FERMT2: variants seen among roughly 807,000 people sequenced by gnomAD.
FERMT2 encodes fermitin family homolog 2.
FERMT2 carries 15 observed loss-of-function variants against 82.7 expected under a neutral mutation model. The observed-to-expected ratio is 0.18, with a 90% CI of 0.12 to 0.28. The LOEUF (loss-of-function observed/expected upper bound fraction) is 0.28. Ranked by LOEUF, FERMT2 falls within the 10% of genes least tolerant of loss-of-function variation. FERMT2 has a pLI of 1.00. For synonymous variants in FERMT2, 274 were observed against 271.5 expected, an observed-to-expected ratio of 1.01 and a Z score of -0.09; for missense variants, 645 against 809.4, an observed-to-expected ratio of 0.80 and a Z score of 2.46.
At chr14:52,908,219 T>A (rs1320648011) in intron 3 of FERMT2, among the ~76,000 whole-genome samples, 1 of 152,194 alleles carries the variant, frequency 6.6e-6, no homozygotes, top group Non-Finnish European at 1.5e-5. Context: ...AACTCTCAAG[T>A]ACTGCCCGGC....
intron 3 of FERMT2, among the ~76,000 whole-genome samples, chr14:52,904,018 T>C (rs921551186): frequency 6.6e-6 from 1 of 152,224 alleles, no homozygotes; most frequent in Non-Finnish European, 1.5e-5. Flanking sequence ...GCAACAAATA[T>C]ATGTTGCAAA....
At chr14:52,920,923 G>T (rs1222047399) in intron 2 of FERMT2, among the ~76,000 whole-genome samples, 2 of 151,834 alleles carry the variant, frequency 1.3e-5, no homozygotes, top group Admixed American at 6.6e-5. Context: ...ACTCCAGCCT[G>T]GGTGACAGAG....
At chr14:52,887,158 T>A (rs1480589115) in intron 4 of FERMT2, among the ~76,000 whole-genome samples, 1 of 150,992 alleles carries the variant, frequency 6.6e-6, no homozygotes, top group African/African-American at 2.4e-5. Flanking sequence ...TTTTTTGAGA[T>A]GGAGTCTCGC....
chr14:52,862,249 G>A (rs1884990332), intron 12 of FERMT2: 1 of 152,160 alleles, frequency 6.6e-6, no homozygotes, highest in Admixed American at 6.5e-5. Context: ...ATTTTTAGTA[G>A]AGATGGGGTT....
At chr14:52,947,255 G>C (rs1050587933) in intron 2 of FERMT2, among the ~76,000 whole-genome samples, 9 of 152,158 alleles carry the variant, frequency 5.9e-5, no homozygotes, top group Admixed American at 5.9e-4. Flanking sequence ...CAAGGCAGGC[G>C]GATGACGAGG....
chr14:52,950,101 G>C (rs1890556474), intron 2 of FERMT2, among the ~76,000 whole-genome samples: 1 of 152,016 alleles, frequency 6.6e-6, no homozygotes, highest in African/African-American at 2.4e-5. Context: ...TTCTTTTATC[G>C]TTCTGTCAGT....
In FERMT2 at chr14:52,950,473, G is replaced by A. The variant is rs1234244999; in HGVS notation, c.96C>T (p.Thr32=). ...TGTGCACCTCGCCGGTCACTCTCAG[G>A]GTGACATCGCGGTTCAGGTCCGTCA... ...VHVTDLNRDV[T]LRVTGEVHIG... is the part of the protein sequence containing the mutation. Residue 32 remains threonine (T), a synonymous_variant, in exon 2 of 15, where the codon ACC becomes ACT. Coordinates refer to ENST00000341590, the MANE Select transcript of FERMT2 (RefSeq NM_006832.3). The A allele has an allele frequency of 6.2e-6, 10 of 1,613,898 alleles. No individual in the cohort carries two copies. In the South Asian group the frequency reaches 9.9e-5, roughly 16 times the overall value.
chr14:52,945,116 C>G (rs1017035524), intron 2 of FERMT2, among the ~76,000 whole-genome samples: 7 of 152,174 alleles, frequency 4.6e-5, no homozygotes, highest in African/African-American at 1.7e-4. Flanking sequence ...ACCATGTTGC[C>G]CGGCTGGTCT....
At position 52,864,366 on chromosome 14, in the gene FERMT2, CCAG is replaced by C. The variant is rs771297715; in HGVS notation, c.1602+32_1602+34del. The C allele has an allele frequency of 4.1e-5, 61 of 1,498,598 alleles. No homozygotes were observed. The East Asian group carries it at 1.4e-3, about 34-fold the overall frequency. The allele number at this position is 1,498,598 out of a possible 1,614,324, so 92.8% of individuals were successfully genotyped here. ...TTATGTACAAAATTATAAAAACAAACCAGCACAGTAGATGAAGTAAAATGAAGT... is the reference window on the plus strand; with the variant it reads ...TTATGTACAAAATTATAAAAACAAACCACAGTAGATGAAGTAAAATGAAGT... On this transcript the variant is annotated intron_variant, in intron 12 of 14. Coordinates refer to ENST00000341590, the MANE Select transcript of FERMT2 (RefSeq NM_006832.3).
At chr14:52,861,747 A>G (rs1884953125) in intron 12 of FERMT2, 1 of 152,462 alleles carries the variant, frequency 6.6e-6, no homozygotes, top group South Asian at 2.1e-4. Flanking sequence ...TTTGAGAGTC[A>G]TATTTATTTA....
At chr14:52,870,473 T>C (rs1193607781) in intron 10 of FERMT2, among the ~76,000 whole-genome samples, 1 of 152,136 alleles carries the variant, frequency 6.6e-6, no homozygotes, top group Non-Finnish European at 1.5e-5. Context: ...GGTCTCCAAC[T>C]TCCGACCTCA....
Position 52,864,440 on chromosome 14 carries a change from C to T in FERMT2, c.1563G>A (p.Leu521=). Residue 521 remains leucine (L), a synonymous_variant, in exon 12 of 15, where the codon TTG becomes TTA. Coordinates refer to ENST00000341590, the MANE Select transcript of FERMT2 (RefSeq NM_006832.3). ...QITTDITPEC[L]VSPRYLKKYK... is the part of the protein sequence containing the mutation. The stretch of plus-strand genomic sequence containing the variant: ...ACTTTTTTAGATAGCGGGGAGACAC[C>T]AAACATTCAGGAGTTATATCAGTCG... 6.2e-7 allele frequency: 1 copy of T among 1,614,010 alleles called. No individual in the cohort carries two copies. The highest frequency in any genetic ancestry group is 1.3e-5 in the African/African-American group (1 of 75,006).
chr14:52,869,485 T>G (rs990839774), intron 10 of FERMT2, among the ~76,000 whole-genome samples: 1 of 152,162 alleles, frequency 6.6e-6, no homozygotes, highest in East Asian at 1.9e-4. Context: ...GAACTGCATA[T>G]ACGACAGCGA....
In FERMT2 at chr14:52,878,627, C is replaced by G. The variant is rs1238235367; in HGVS notation, c.918G>C (p.Glu306Asp). Residue 306 changes from glutamate (E) to aspartate (D), a missense_variant, in exon 7 of 15, where the codon GAG becomes GAC. Glu to Asp is a conservative substitution (Grantham distance 45). Transcript: ENST00000341590. ...TCATTTCTTCTTCTGTGCATTCAAT[C>G]TCTTCCAGGAGAATGGCCCATTTGG... ...EQAKWAILLEEIECTEEEMMM... is the reference protein window; with the variant it reads ...EQAKWAILLEDIECTEEEMMM... 3.1e-6 allele frequency: 5 copies of G among 1,610,960 alleles called. No individual in the cohort carries two copies. Among genetic ancestry groups the G allele is most frequent in the Non-Finnish European group, 4.2e-6 (5 of 1,178,638 alleles).
At chr14:52,929,342 GCCT>G (rs1397942695) in intron 2 of FERMT2, among the ~76,000 whole-genome samples, 4 of 152,092 alleles carry the variant, frequency 2.6e-5, no homozygotes, top group Non-Finnish European at 4.4e-5. Context: ...TACTGCCACA[GCCT>G]CCTAACTGGT....
intron 14 of FERMT2, 40 bp from the exon 15 acceptor site, chr14:52,858,590 C>A (rs1446399009): frequency 1.3e-6 from 2 of 1,599,292 alleles, no homozygotes. Context: ...GTCCCAAATG[C>A]TAGGTGGCTG....
chr14:52,907,677 T>G (rs1235813530), intron 3 of FERMT2, among the ~76,000 whole-genome samples: 1 of 152,062 alleles, frequency 6.6e-6, no homozygotes, highest in Non-Finnish European at 1.5e-5. Context: ...AGTCATATAC[T>G]GTAAACCCTA....
At chr14:52,874,330 C>G in intron 8 of FERMT2, 104 bp from the exon 9 acceptor site, 1 of 581,800 alleles carries the variant, frequency 1.7e-6, no homozygotes, top group Non-Finnish European at 2.9e-6. Context: ...AACAGAATGA[C>G]ATAAAATACA....
At chr14:52,941,892 T>C (rs745843555) in intron 2 of FERMT2, among the ~76,000 whole-genome samples, 7 of 152,228 alleles carry the variant, frequency 4.6e-5, no homozygotes, top group South Asian at 2.1e-4. Context: ...CATCCACTTA[T>C]TGGTCCCCTG....
Sources: allele counts gnomAD v4.1 joint callset (sites outside exome capture counted in the v4.1 genomes callset), GRCh38; gene constraint gnomAD v4.1.1; transcripts MANE v1.5; gene names NCBI Gene and HGNC (gene_info 2026-07-23, HGNC 2026-07-21).